Variants in TPRG1 observed in about 807,000 individuals in gnomAD.
TPRG1 encodes the protein tumor protein p63 regulated 1.
A neutral mutation model predicts 29.3 loss-of-function variants in TPRG1; 29 were observed. The ratio of observed to expected loss-of-function variants is 0.99; its 90% CI spans 0.74 to 1.35. TPRG1 has a LOEUF of 1.35. TPRG1 is among the 40% of genes most tolerant of loss of function. The pLI is 0.00. For synonymous variants in TPRG1, 130 were observed against 116.8 expected (o/e 1.11, Z -0.73); for missense variants, 327 against 335.0 (o/e 0.98, Z 0.19).
At chr3:189,021,835 T>A (rs2077168898) in intron 3 of TPRG1, among the ~76,000 whole-genome samples, 1 of 152,210 alleles carries the variant, frequency 6.6e-6, no homozygotes, top group Admixed American at 6.5e-5. Context: ...GTTTTCCAAC[T>A]TGGTTCCATT....
At chr3:189,040,531 C>T (rs971144089) in intron 4 of TPRG1, among the ~76,000 whole-genome samples, 2 of 152,000 alleles carry the variant, frequency 1.3e-5, no homozygotes, top group Non-Finnish European at 2.9e-5. Context: ...TGCTTGGCTT[C>T]CTGCTGTGGC....
intron 4 of TPRG1, among the ~76,000 whole-genome samples, chr3:189,054,846 T>C (rs1715557800): frequency 6.6e-6 from 1 of 151,886 alleles, no homozygotes; most frequent in Non-Finnish European, 1.5e-5. Flanking sequence ...AATGAAAAAA[T>C]GTTTAAAATA....
At chr3:189,160,612 C>A (rs895520126) in intron 5 of TPRG1, among the ~76,000 whole-genome samples, 16 of 152,130 alleles carry the variant, frequency 1.1e-4, no homozygotes, top group African/African-American at 3.9e-4. Context: ...CAACCCAACT[C>A]CCCAACCCAG....
chr3:189,200,133 A>G (rs141788328), intron 1 of TPRG1, among the ~76,000 whole-genome samples: 1 of 152,314 alleles, frequency 6.6e-6, no homozygotes, highest in African/African-American at 2.4e-5. Flanking sequence ...GAAGCACTTT[A>G]TAGCAGAGCA....
intron 1 of TPRG1, 120 bp from the exon 2 acceptor site, chr3:189,207,256 A>G: frequency 2.1e-6 from 3 of 1,440,780 alleles, no homozygotes; most frequent in Middle Eastern, 4.5e-4. Flanking sequence ...TTTAGTTAAC[A>G]TGAAGGATGT....
intron 3 of TPRG1, among the ~76,000 whole-genome samples, chr3:189,010,749 T>C (rs1333732691): frequency 6.6e-6 from 1 of 152,220 alleles, no homozygotes; most frequent in African/African-American, 2.4e-5. Flanking sequence ...CTGTTGACAA[T>C]TTCTTTTGCT....
At chr3:188,998,505 C>T (rs848989) in intron 1 of TPRG1, among the ~76,000 whole-genome samples, 141,831 of 152,284 alleles carry the variant, frequency 0.93, 66,874 homozygotes, top group East Asian at 1. Flanking sequence ...GGTAAAGAAT[C>T]TGTGTAAAGA....
intron 4 of TPRG1, among the ~76,000 whole-genome samples, chr3:189,045,214 C>T (rs931044949): frequency 6.6e-6 from 1 of 152,138 alleles, no homozygotes; most frequent in African/African-American, 2.4e-5. Flanking sequence ...TTTAAGAACA[C>T]CAAAGGACTG....
At chr3:189,248,671 G>T (rs1741712649) in intron 4 of TPRG1, among the ~76,000 whole-genome samples, 1 of 150,740 alleles carries the variant, frequency 6.6e-6, no homozygotes, top group African/African-American at 2.4e-5. Context: ...ATTATTGTTT[G>T]TACATTTCCT....
chr3:189,114,332 G>A (rs1720921863), intron 1 of TPRG1, among the ~76,000 whole-genome samples: 1 of 152,066 alleles, frequency 6.6e-6, no homozygotes, highest in Non-Finnish European at 1.5e-5. Flanking sequence ...ACCCAAGCTG[G>A]AGTGCAGTGA....
intron 3 of TPRG1, among the ~76,000 whole-genome samples, chr3:189,142,542 T>G (rs1346314460): frequency 6.6e-6 from 1 of 152,180 alleles, no homozygotes; most frequent in Non-Finnish European, 1.5e-5. Context: ...AAGCTTTCAT[T>G]TTGCCATTCT....
chr3:189,269,389 T>G (rs1714696965), intron 4 of TPRG1, among the ~76,000 whole-genome samples: 1 of 152,164 alleles, frequency 6.6e-6, no homozygotes, highest in South Asian at 2.1e-4. Flanking sequence ...CCTTTTGCAT[T>G]AGGAGTTGTA....
intron 2 of TPRG1, among the ~76,000 whole-genome samples, chr3:189,002,528 A>G (rs751380499): frequency 2.6e-5 from 4 of 152,140 alleles, no homozygotes; most frequent in Non-Finnish European, 4.4e-5. Context: ...TTGCCTGGCC[A>G]TTGGACAGAT....
At chr3:189,253,709 T>A (rs974376583) in intron 4 of TPRG1, among the ~76,000 whole-genome samples, 2 of 152,208 alleles carry the variant, frequency 1.3e-5, no homozygotes, top group African/African-American at 4.8e-5. Context: ...TAATTTACAC[T>A]CTCACCAGCA....
At chr3:189,277,964 A>G (rs1348994524) in intron 4 of TPRG1, among the ~76,000 whole-genome samples, 1 of 152,224 alleles carries the variant, frequency 6.6e-6, no homozygotes, top group Non-Finnish European at 1.5e-5. Context: ...TTTGCCTCTG[A>G]AGCCACGTCG....
chr3:189,177,426 A>G (rs1184554811), intron 1 of TPRG1, among the ~76,000 whole-genome samples: 4 of 151,508 alleles, frequency 2.6e-5, no homozygotes, highest in Non-Finnish European at 5.9e-5. Flanking sequence ...ATGTCTATAC[A>G]TATATATGTA....
chr3:188,999,090 G>A (rs1480314892), intron 1 of TPRG1, among the ~76,000 whole-genome samples: 2 of 152,162 alleles, frequency 1.3e-5, no homozygotes, highest in African/African-American at 4.8e-5. Flanking sequence ...GCTATTGTGT[G>A]GAAAGGATCA....
chr3:189,318,103 C>T (rs148603446), intron 5 of TPRG1, among the ~76,000 whole-genome samples: 3 of 152,238 alleles, frequency 2.0e-5, no homozygotes, highest in Non-Finnish European at 2.9e-5. Flanking sequence ...ATTGGACGGG[C>T]GTGCCCTCTA....
chr3:189,055,636 C>G (rs999673859), intron 4 of TPRG1, among the ~76,000 whole-genome samples: 12 of 152,194 alleles, frequency 7.9e-5, no homozygotes, highest in African/African-American at 2.9e-4. Context: ...ACTTCTTATT[C>G]TCTGACTGTG....
Sources: allele counts gnomAD v4.1 joint callset (sites outside exome capture counted in the v4.1 genomes callset), GRCh38; gene constraint gnomAD v4.1.1; transcripts MANE v1.5; gene names NCBI Gene and HGNC (gene_info 2026-07-23, HGNC 2026-07-21).